The following CASK variants were observed in gnomAD, a reference collection of about 807,000 sequenced individuals.
CASK encodes calcium/calmodulin dependent serine protein kinase.
CASK carries 4 observed loss-of-function variants against 82.9 expected under a neutral mutation model. The observed-to-expected ratio is 0.05, with a 90% CI of 0.02 to 0.11. The LOEUF is 0.11. CASK is among the 10% of genes least tolerant of loss of function. The probability of loss-of-function intolerance (pLI) is 1.00; values close to 1 mark genes in which losing one functional copy is unlikely to be tolerated. For synonymous variants in CASK, 259 were observed against 253.5 expected (o/e 1.02, Z -0.20); for missense variants, 358 against 720.9 (o/e 0.50, Z 5.76).
chrX:41,774,926 A>C (rs2147803867), intron 3 of CASK, among the ~76,000 whole-genome samples: 1 of 112,212 alleles, frequency 8.9e-6, no homozygotes, highest in African/African-American at 3.2e-5. Flanking sequence ...TAAAACCATA[A>C]AAACCCTAGA....
chrX:41,527,482 A>G (rs750881905), intron 25 of CASK, among the ~76,000 whole-genome samples: 1 of 112,303 alleles, frequency 8.9e-6, no homozygotes, highest in East Asian at 2.8e-4. Context: ...ACCCAAGTGT[A>G]TAAGAGGCAG....
At chrX:41,665,506 T>C in intron 6 of CASK, 54 bp from the exon 7 acceptor site, 1 of 945,040 alleles carries the variant, frequency 1.1e-6, no homozygotes, top group Non-Finnish European at 1.5e-6. Flanking sequence ...GGATTTTCAC[T>C]TGAAAACTAA....
chrX:41,705,357 G>C (rs1221211209), intron 5 of CASK, among the ~76,000 whole-genome samples: 1 of 111,392 alleles, frequency 9.0e-6, no homozygotes, highest in Non-Finnish European at 1.9e-5. Context: ...AGGAGTTCCA[G>C]ACCAGCCTGG....
chrX:41,902,910 T>C (rs766263759), intron 1 of CASK, among the ~76,000 whole-genome samples: 28 of 111,774 alleles, frequency 2.5e-4, no homozygotes, highest in Non-Finnish European at 4.9e-4. Context: ...GAAAAACATA[T>C]GAAGAGGCAA....
intron 5 of CASK, among the ~76,000 whole-genome samples, chrX:41,687,566 A>G (rs1325012622): frequency 8.9e-6 from 1 of 111,888 alleles, no homozygotes; most frequent in Non-Finnish European, 1.9e-5. Context: ...GAAATCGTTT[A>G]GTGGTGAAGA....
intron 1 of CASK, among the ~76,000 whole-genome samples, chrX:41,890,775 T>C (rs1433778997): frequency 1.8e-5 from 2 of 112,158 alleles, no homozygotes; most frequent in Non-Finnish European, 3.8e-5. Context: ...GGGTACTGTG[T>C]AGTACATATG....
chrX:41,640,255 G>A (rs1181636336), intron 8 of CASK, among the ~76,000 whole-genome samples: 1 of 109,980 alleles, frequency 9.1e-6, no homozygotes, highest in Non-Finnish European at 1.9e-5. Flanking sequence ...CTAGGCTGGA[G>A]GGCAGTGGCA....
intron 5 of CASK, among the ~76,000 whole-genome samples, chrX:41,685,311 C>T (rs774790479): frequency 8.9e-6 from 1 of 111,989 alleles, no homozygotes; most frequent in African/African-American, 3.2e-5. Context: ...TCTTCCCCCA[C>T]TCCCAATCTT....
At chrX:41,737,644 A>C (rs1364747038) in intron 5 of CASK, among the ~76,000 whole-genome samples, 1 of 112,599 alleles carries the variant, frequency 8.9e-6, no homozygotes, top group Non-Finnish European at 1.9e-5. Context: ...AGCTGACTAC[A>C]TTATTGAAAG....
At chrX:41,827,842 C>G (rs2070698314) in intron 2 of CASK, among the ~76,000 whole-genome samples, 1 of 111,685 alleles carries the variant, frequency 9.0e-6, no homozygotes, top group Admixed American at 9.5e-5. Flanking sequence ...AATCTACTCT[C>G]CTGTAGCTTT....
At chrX:41,660,057 C>A in intron 8 of CASK, 1 of 176,495 alleles carries the variant, frequency 5.7e-6, no homozygotes. Context: ...CTAGTATCTA[C>A]TGAAAAATAG....
At chrX:41,704,918 T>G (rs2067860068) in intron 5 of CASK, among the ~76,000 whole-genome samples, 1 of 111,464 alleles carries the variant, frequency 9.0e-6, no homozygotes, top group African/African-American at 3.3e-5. Context: ...GAGGACTCAA[T>G]GAGTAAATAA....
intron 2 of CASK, among the ~76,000 whole-genome samples, chrX:41,787,884 G>A (rs996132750): frequency 9.0e-6 from 1 of 110,990 alleles, no homozygotes; most frequent in African/African-American, 3.3e-5. Flanking sequence ...GGCCAGGCGT[G>A]GTGGCTCGCA....
intron 2 of CASK, among the ~76,000 whole-genome samples, chrX:41,810,421 G>A: frequency 9.0e-6 from 1 of 111,723 alleles, no homozygotes; most frequent in Non-Finnish European, 1.9e-5. Context: ...GAGAGTGGGG[G>A]CCAATATTCA....
intron 1 of CASK, among the ~76,000 whole-genome samples, chrX:41,866,527 T>C (rs1171600072): frequency 8.9e-6 from 1 of 112,310 alleles, no homozygotes; most frequent in Admixed American, 9.4e-5. Flanking sequence ...TTGCTGTCAG[T>C]TGAATAATTT....
intron 21 of CASK, among the ~76,000 whole-genome samples, chrX:41,545,825 C>CT (rs1427400830): frequency 9.1e-6 from 1 of 109,628 alleles, no homozygotes; most frequent in Non-Finnish European, 1.9e-5. Context: ...ATATAATTCC[C>CT]CCCCCACCCC....
intron 5 of CASK, among the ~76,000 whole-genome samples, chrX:41,680,057 G>A (rs181648702): frequency 1.8e-5 from 2 of 111,021 alleles, no homozygotes; most frequent in Admixed American, 9.6e-5. Context: ...AAAATTAGCT[G>A]GGCGTGGCGG....
At chrX:41,601,569 T>C (rs2147260204) in intron 12 of CASK, among the ~76,000 whole-genome samples, 1 of 111,715 alleles carries the variant, frequency 9.0e-6, no homozygotes, top group Non-Finnish European at 1.9e-5. Context: ...GCCACAAAGC[T>C]AAATTTTAAT....
chrX:41,874,265 G>A (rs2071769813), intron 1 of CASK, among the ~76,000 whole-genome samples: 2 of 111,421 alleles, frequency 1.8e-5, no homozygotes, highest in Non-Finnish European at 3.8e-5. Flanking sequence ...GTGGTTTGTT[G>A]CACCTATCAA....
Sources: gnomAD v4.1 joint callset for allele counts (sites outside exome capture counted in the v4.1 genomes callset) on GRCh38, gnomAD v4.1.1 for gene constraint, MANE v1.5 for transcripts, NCBI Gene and HGNC (gene_info 2026-07-23, HGNC 2026-07-21) for gene names.